Variants in STK3 observed in about 807,000 individuals in gnomAD.
STK3 encodes the protein serine/threonine kinase 3.
Under a neutral mutation model 58.0 loss-of-function variants are expected in STK3, and 41 were observed. The observed-to-expected ratio is 0.71, with a 90% CI of 0.55 to 0.92. The LOEUF (loss-of-function observed/expected upper bound fraction) is 0.92. Among genes scored for constraint, STK3 ranks in the 40% least tolerant of loss-of-function variants. The pLI is 0.00. For missense variants in STK3, 479 were observed against 602.7 expected (o/e 0.79, Z 2.15); for synonymous variants, 170 against 191.0 (o/e 0.89, Z 0.91).
At chr8:98,632,627 A>G (rs1232067815) in intron 6 of STK3, among the ~76,000 whole-genome samples, 1 of 152,238 alleles carries the variant, frequency 6.6e-6, no homozygotes, top group Non-Finnish European at 1.5e-5. Flanking sequence ...TTCAACATTA[A>G]CATTTTAGAT....
intron 8 of STK3, among the ~76,000 whole-genome samples, chr8:98,574,950 T>C (rs988824200): frequency 1.3e-5 from 2 of 152,196 alleles, no homozygotes; most frequent in Non-Finnish European, 2.9e-5. Context: ...TCTTCCTTTT[T>C]TTTTAAACAG....
At chr8:98,417,992 C>A (rs1034808265) in intron 3 of STK3, among the ~76,000 whole-genome samples, 1 of 152,182 alleles carries the variant, frequency 6.6e-6, no homozygotes, top group Non-Finnish European at 1.5e-5. Flanking sequence ...TCACTGCAGC[C>A]TTGAACTCCT....
At chr8:98,479,979 T>C (rs558366231) in intron 10 of STK3, among the ~76,000 whole-genome samples, 58 of 152,232 alleles carry the variant, frequency 3.8e-4, no homozygotes, top group Middle Eastern at 6.8e-3. Flanking sequence ...ATAGGCTTAA[T>C]AGCAGAATGA....
In STK3 at chr8:98,772,156, A is replaced by ATAATATCCTCTTCAATCCT. The variant is rs1169914819; in HGVS notation, c.107+2582_107+2583insAGGATTGAAGAGGATATTA. ...TAATATCCTCTTCAATCAATGGGTT[A>ATAATATCCTCTTCAATCCT]CTTCAGATTATGTTTCCTAATTTCT... On this transcript the variant is annotated intron_variant, in intron 2 of 10. Transcript: ENST00000419617. Among the ~76,000 whole-genome samples, 4 of 152,204 alleles carry ATAATATCCTCTTCAATCCT rather than the reference A, an allele frequency of 2.6e-5. No individual in the cohort carries two copies. The East Asian group carries it at 5.8e-4, about 22-fold the overall frequency.
chr8:98,830,287 T>C (rs1012103987), upstream of STK3, among the ~76,000 whole-genome samples: 2 of 151,860 alleles, frequency 1.3e-5, no homozygotes, highest in Admixed American at 6.6e-5. Flanking sequence ...TCAGGTAGGA[T>C]GGCAAAGGAA....
rs1817773747 is a variant in STK3, at chr8:98,384,863, A to T, written n.56+3329T>A. On this transcript the variant is annotated intron_variant and non_coding_transcript_variant, in intron 1 of 2. Transcript: ENST00000518704. ...TAATCAGCCCCAAACCCTAGCCAAT[A>T]TCTCATTCCACCTCTCATCACGTCA... Among the ~76,000 whole-genome samples the T allele has an allele frequency of 2.6e-5, 4 of 152,110 alleles. No homozygotes were observed. The South Asian group carries it at 8.3e-4, about 32-fold the overall frequency.
chr8:98,912,430 T>C (rs1839180830), intron 1 of STK3, among the ~76,000 whole-genome samples: 1 of 151,908 alleles, frequency 6.6e-6, no homozygotes, highest in African/African-American at 2.4e-5. Flanking sequence ...TTTATCTTGA[T>C]CGCTGGTAAA....
rs901814884 is a variant in STK3, at chr8:98,609,711, A to G, written c.685-13542T>C. ...GCATGGTGGTTCCGCCTGTAATCCC[A>G]GCACTTTGGGAGGCTGACGCGGGTG... is the stretch of plus-strand genomic sequence containing the variant. On this transcript the variant is annotated intron_variant, in intron 6 of 10. Coordinates refer to ENST00000419617, the MANE Select transcript of STK3 (RefSeq NM_006281.4). 7.2e-4 allele frequency among the ~76,000 whole-genome samples: 109 copies of G among 152,348 alleles called. 1 individual carries two copies. Among genetic ancestry groups the G allele is most frequent in the African/African-American group, 2.6e-3 (108 of 41,584 alleles).
At chr8:98,566,064 C>A (rs901838261) in intron 8 of STK3, among the ~76,000 whole-genome samples, 4 of 152,130 alleles carry the variant, frequency 2.6e-5, no homozygotes, top group Non-Finnish European at 5.9e-5. Flanking sequence ...TGTACAATTA[C>A]CTCAGCACCT....
intron 1 of STK3, among the ~76,000 whole-genome samples, chr8:98,931,290 T>C (rs549910023): frequency 5.3e-5 from 8 of 152,262 alleles, no homozygotes; most frequent in East Asian, 3.9e-4. Flanking sequence ...GCTGAAACCA[T>C]ATACTATCAA....
intron 6 of STK3, among the ~76,000 whole-genome samples, chr8:98,643,877 C>T (rs1820207009): frequency 6.6e-6 from 1 of 152,080 alleles, no homozygotes; most frequent in Non-Finnish European, 1.5e-5. Context: ...GGTGTGATGG[C>T]ATGCACCTGT....
chr8:98,774,816 T>A lies in STK3; in HGVS notation c.30A>T (p.Lys10Asn). ...AACTGTCTTCACTCAGCTTTTTTAG[T>A]TTACTGATTTAAAAAAGAAAGAAGA... MEQPPAPKSKLKKLSEDSLT... is the reference protein window; with the variant it reads MEQPPAPKSNLKKLSEDSLT... Residue 10 changes from lysine to asparagine, a missense_variant, in exon 2 of 11, where the codon AAA (lysine) becomes AAT (asparagine). This residue lies in a region of STK3 where 44 missense variants were observed against 37.0 expected (regional missense o/e 1.19). Coordinates refer to ENST00000419617, the MANE Select transcript of STK3 (RefSeq NM_006281.4). 1 of 1,544,700 alleles carries A rather than the reference T, an allele frequency of 6.5e-7. No individual in the cohort carries two copies. The highest frequency in any genetic ancestry group is 1.7e-4 in the Middle Eastern group (1 of 5,800).
At chr8:98,882,935 C>T (rs1383023871), downstream of STK3, 1 of 152,130 alleles carries the variant, frequency 6.6e-6, no homozygotes, top group Non-Finnish European at 1.5e-5. Flanking sequence ...AGTTTCTAAG[C>T]CTTATCTGGG....
chr8:98,631,637 G>A (rs941293944), intron 6 of STK3, among the ~76,000 whole-genome samples: 10 of 151,506 alleles, frequency 6.6e-5, no homozygotes, highest in Admixed American at 4.6e-4. Context: ...GCTGTTATCA[G>A]TACCTGATAT....
intron 3 of STK3, chr8:98,427,968 G>C: frequency 6.7e-7 from 1 of 1,493,518 alleles, no homozygotes; most frequent in South Asian, 1.3e-5. Flanking sequence ...GCGGGCGGCC[G>C]GCGCCTCCAG....
At chr8:98,830,612 C>G (rs1166727670), upstream of STK3, among the ~76,000 whole-genome samples, 2 of 152,156 alleles carry the variant, frequency 1.3e-5, no homozygotes, top group African/African-American at 4.8e-5. Context: ...CATTCATGAA[C>G]AAAGGAAAGC....
chr8:98,808,377 AT>A (rs892829926), intron 1 of STK3, among the ~76,000 whole-genome samples: 1 of 152,172 alleles, frequency 6.6e-6, no homozygotes, highest in African/African-American at 2.4e-5. Flanking sequence ...AAGGGACTAT[AT>A]TTGGTCCTCT....
chr8:98,783,313 T>C (rs1020173090), intron 1 of STK3, among the ~76,000 whole-genome samples: 1 of 152,198 alleles, frequency 6.6e-6, no homozygotes, highest in Non-Finnish European at 1.5e-5. Context: ...ATAAAAATAA[T>C]GTTTGAGGTG....
intron 7 of STK3, among the ~76,000 whole-genome samples, chr8:98,584,043 C>T (rs984688498): frequency 6.6e-6 from 1 of 151,822 alleles, no homozygotes; most frequent in Non-Finnish European, 1.5e-5. Flanking sequence ...AAAATGCAAA[C>T]ATGTATCTCT....
Sources: gnomAD v4.1 joint callset for allele counts (sites outside exome capture counted in the v4.1 genomes callset) on GRCh38, gnomAD v4.1.1 for gene constraint, gnomAD v4.1.1 regional missense constraint, MANE v1.5 for transcripts, NCBI Gene and HGNC (gene_info 2026-07-23, HGNC 2026-07-21) for gene names.